Variants in ABCA13 observed in about 807,000 individuals in gnomAD.
ABCA13 encodes ATP binding cassette subfamily A member 13, also known as ATP-binding cassette sub-family A member 13.
A neutral mutation model predicts 478.7 loss-of-function variants in ABCA13; 476 were observed. That is an observed-to-expected ratio of 0.99 (90% CI 0.92 to 1.07). ABCA13 has a LOEUF of 1.07. ABCA13 is among the 50% of genes least tolerant of loss of function. The probability of loss-of-function intolerance (pLI) is 0.00; values close to 1 mark genes in which losing one functional copy is unlikely to be tolerated. For synonymous variants in ABCA13, 2,252 were observed against 2,158.9 expected (o/e 1.04, Z -1.20); for missense variants, 6,060 against 5,910.6 (o/e 1.03, Z -0.83).
intron 59 of ABCA13, 42 bp downstream of exon 59, chr7:48,615,419 A>G (rs764525802): frequency 1.3e-6 from 2 of 1,503,758 alleles, no homozygotes; most frequent in East Asian, 2.5e-5. Context: ...TTACTATGAA[A>G]TCAATAGCAT....
Position 48,524,407 on chromosome 7 carries a change from G to A in ABCA13, c.14211G>A (p.Val4737=), listed in dbSNP as rs371619559. ...GCTTTTTCCAGAATATTATTGCTGT[G>A]CAAGATATTAGTTTGGGCATACCAA... is the stretch of plus-strand genomic sequence containing the variant. ...YRRFFQNIIA[V]QDISLGIPKG... Residue 4737 remains valine, a synonymous_variant, in exon 54 of 62, where the codon GTG becomes GTA. Transcript: ENST00000435803. 11 of 1,611,880 alleles carry A rather than the reference G, an allele frequency of 6.8e-6. No individual in the cohort carries two copies. In the East Asian group the frequency reaches 1.1e-4, roughly 16 times the overall value.
chr7:48,388,378 G>T (rs1815511254), intron 36 of ABCA13, among the ~76,000 whole-genome samples: 1 of 152,200 alleles, frequency 6.6e-6, no homozygotes, highest in Non-Finnish European at 1.5e-5. Context: ...CAGTGTTCCT[G>T]TGTGAGGGAG....
chr7:48,274,028 A>T lies in ABCA13; in HGVS notation c.4362A>T (p.Ser1454=), dbSNP rs757605897. ...AACCTCTTTGTTCATCAAATGGCTC[A>T]CATATAAATTGTGTCAATATTTACT... ...IKKPLCSSNG[S]HINCVNIYLK... is the part of the protein sequence containing the mutation. The change falls in exon 17 of 62, where the codon TCA becomes TCT. Residue 1454 remains serine (S), a synonymous_variant. Transcript: ENST00000435803. The T allele has an allele frequency of 5.0e-6, 8 of 1,605,738 alleles. No individual in the cohort carries two copies. Among genetic ancestry groups the T allele is most frequent in the Non-Finnish European group, 6.8e-6 (8 of 1,173,808 alleles).
intron 55 of ABCA13, among the ~76,000 whole-genome samples, chr7:48,554,774 A>C (rs1003725262): frequency 2.0e-5 from 3 of 150,648 alleles, no homozygotes; most frequent in African/African-American, 7.3e-5. Flanking sequence ...TGCAGCAAGG[A>C]TAATTTGAGT....
At chr7:48,573,278 ATGTC>A (rs1185643678) in intron 55 of ABCA13, among the ~76,000 whole-genome samples, 9 of 151,998 alleles carry the variant, frequency 5.9e-5, no homozygotes, top group African/African-American at 2.2e-4. Context: ...GTTAAAGTCT[ATGTC>A]TGATAACTCC....
chr7:48,475,073 A>G (rs563483239), intron 45 of ABCA13, among the ~76,000 whole-genome samples: 1 of 152,352 alleles, frequency 6.6e-6, no homozygotes, highest in South Asian at 2.1e-4. Context: ...TTGTCCTTGA[A>G]TTGACAGTGG....
At chr7:48,376,335 TCTGTTCAA>T in intron 34 of ABCA13, 98 bp from the exon 35 acceptor site, 1 of 1,391,658 alleles carries the variant, frequency 7.2e-7, no homozygotes, top group Non-Finnish European at 9.7e-7. Context: ...TTGTTTTAGT[TCTGTTCAA>T]CTTCACTTGA....
At chr7:48,598,104 T>C (rs1421693083) in intron 58 of ABCA13, among the ~76,000 whole-genome samples, 1 of 152,202 alleles carries the variant, frequency 6.6e-6, no homozygotes, top group Non-Finnish European at 1.5e-5. Context: ...TATTCATCTC[T>C]CCCTCCTGCC....
intron 19 of ABCA13, among the ~76,000 whole-genome samples, chr7:48,285,940 G>A (rs2128796791): frequency 6.6e-6 from 1 of 152,234 alleles, no homozygotes; most frequent in South Asian, 2.1e-4. Context: ...AAACAAATAA[G>A]GCATCAAGGT....
intron 48 of ABCA13, among the ~76,000 whole-genome samples, chr7:48,503,821 G>T (rs908693527): frequency 6.6e-6 from 1 of 152,078 alleles, no homozygotes; most frequent in Non-Finnish European, 1.5e-5. Flanking sequence ...TCTAGAAATG[G>T]GTTTGCTGGA....
At chr7:48,532,401 G>A (rs913891712) in intron 55 of ABCA13, among the ~76,000 whole-genome samples, 4 of 152,102 alleles carry the variant, frequency 2.6e-5, no homozygotes, top group African/African-American at 7.2e-5. Flanking sequence ...CAGTTAGCTA[G>A]TATTTTTATA....
intron 53 of ABCA13, among the ~76,000 whole-genome samples, chr7:48,522,429 C>G (rs957343579): frequency 3.3e-5 from 5 of 152,156 alleles, no homozygotes; most frequent in Non-Finnish European, 7.3e-5. Flanking sequence ...TGTCTCCTGC[C>G]TAGAGCTGCA....
chr7:48,215,707 C>A (rs778572065), intron 3 of ABCA13, among the ~76,000 whole-genome samples: 87 of 152,262 alleles, frequency 5.7e-4, no homozygotes, highest in African/African-American at 1.9e-3. Flanking sequence ...AAAATTTCCC[C>A]AACCTGACAA....
chr7:48,576,850 A>G (rs1788237143), intron 55 of ABCA13, among the ~76,000 whole-genome samples: 2 of 151,584 alleles, frequency 1.3e-5, no homozygotes, highest in South Asian at 4.1e-4. Context: ...ATAACAGCTT[A>G]ACAATAAAGA....
chr7:48,280,298 T>A (rs112711330), intron 18 of ABCA13, among the ~76,000 whole-genome samples: 2,182 of 152,332 alleles, frequency 0.014, 20 homozygotes, highest in Middle Eastern at 0.054. Context: ...TGAAGCTGCT[T>A]GCTTCACAGA....
intron 1 of ABCA13, among the ~76,000 whole-genome samples, chr7:48,185,053 AGTTGTT>A (rs201512684): frequency 3.2e-4 from 49 of 151,956 alleles, no homozygotes; most frequent in Non-Finnish European, 5.7e-4. Flanking sequence ...CTAGGCTGAA[AGTTGTT>A]GTTGTTTTCT....
At chr7:48,441,779 G>A (rs1040612453) in intron 42 of ABCA13, among the ~76,000 whole-genome samples, 1 of 152,166 alleles carries the variant, frequency 6.6e-6, no homozygotes, top group African/African-American at 2.4e-5. Context: ...GTTACTGGAT[G>A]TTATAGAGAT....
At chr7:48,185,413 A>G (rs1279413641) in intron 1 of ABCA13, among the ~76,000 whole-genome samples, 1 of 152,232 alleles carries the variant, frequency 6.6e-6, no homozygotes, top group Non-Finnish European at 1.5e-5. Context: ...ACATTCTAGA[A>G]TCAGCTCATT....
rs947156804 is a variant in ABCA13, at chr7:48,567,702, G to C, written c.14355-12522G>C. Among the ~76,000 whole-genome samples, 7 of 151,898 alleles carry C rather than the reference G, an allele frequency of 4.6e-5. No individual in the cohort carries two copies. In the East Asian group the frequency reaches 1.2e-3, roughly 25 times the overall value. On this transcript the variant is annotated intron_variant, in intron 55 of 61. Transcript: ENST00000435803. The stretch of plus-strand genomic sequence containing the variant: ...ATCATCAGGAGAGAGACCTTTGGCA[G>C]ACCCCCAAGAAACTCCTTTCATGAC...
Sources: gnomAD v4.1 joint callset for allele counts (sites outside exome capture counted in the v4.1 genomes callset) on GRCh38, gnomAD v4.1.1 for gene constraint, MANE v1.5 for transcripts, NCBI Gene and HGNC (gene_info 2026-07-23, HGNC 2026-07-21) for gene names.